TCOF1: variants seen among roughly 807,000 people sequenced by gnomAD.
TCOF1 encodes treacle protein.
TCOF1 carries 33 observed loss-of-function variants against 149.0 expected under a neutral mutation model. The ratio of observed to expected loss-of-function variants is 0.22; its 90% CI spans 0.17 to 0.30. The LOEUF (loss-of-function observed/expected upper bound fraction) is 0.30. Ranked by LOEUF, TCOF1 falls within the 10% of genes least tolerant of loss-of-function variation. TCOF1 has a pLI of 1.00. For missense variants in TCOF1, 1,728 were observed against 1,840.7 expected (o/e 0.94, Z 1.12); for synonymous variants, 789 against 738.8 (o/e 1.07, Z -1.10).
At chr5:150,385,304 T>A (rs564332553) in intron 17 of TCOF1, among the ~76,000 whole-genome samples, 1 of 152,318 alleles carries the variant, frequency 6.6e-6, no homozygotes, top group African/African-American at 2.4e-5. Flanking sequence ...AGGCCTAGCA[T>A]AATTGGTTCT....
Position 150,399,123 on chromosome 5 carries a change from T to A in TCOF1, c.*22+53T>A, listed in dbSNP as rs374854933. 54 of 1,609,100 alleles carry A rather than the reference T, an allele frequency of 3.4e-5. No individual in the cohort carries two copies. In the South Asian group the frequency reaches 3.4e-4, roughly 10 times the overall value. On this transcript the variant is annotated intron_variant, in intron 26 of 26. Coordinates refer to ENST00000643257, the MANE Select transcript of TCOF1 (RefSeq NM_001371623.1). ...TCAGGGTGGGAGGACAGCTCTGGTG[T>A]CCCCTGTGGTCCCAGAGAGCCAGGC...
chr5:150,373,216 G>T (rs1444699135), intron 7 of TCOF1, among the ~76,000 whole-genome samples: 1 of 151,686 alleles, frequency 6.6e-6, no homozygotes, highest in Non-Finnish European at 1.5e-5. Flanking sequence ...CCCAGCTTGT[G>T]TGTGTGTGTG....
chr5:150,375,173 G>A lies in TCOF1; in HGVS notation c.1488+10G>A. The A allele has an allele frequency of 6.2e-7, 1 of 1,613,098 alleles. No homozygotes were observed. Among genetic ancestry groups the A allele is most frequent in the Non-Finnish European group, 8.5e-7 (1 of 1,179,594 alleles). On this transcript the variant is annotated intron_variant, in intron 10 of 26. Coordinates refer to ENST00000643257, the MANE Select transcript of TCOF1 (RefSeq NM_001371623.1). ...CATGAATGCAGCTCAGGTGAGGCTG[G>A]AAGCCGCCCTGCATGGCCTGTGCCC...
Position 150,376,541 on chromosome 5 carries a change from T to A in TCOF1, c.2261T>A (p.Val754Glu). The change falls in exon 14 of 27, where the codon GTG becomes GAG. Residue 754 changes from valine (V) to glutamate (E), a missense_variant. Coordinates refer to ENST00000643257, the MANE Select transcript of TCOF1 (RefSeq NM_001371623.1). ...AAGACGGGGCCTACAGTCACCCAGG[T>A]GAAAGCTGAAAAGCAGGAAGACTCT... ...PGKTGPTVTQVKAEKQEDSES... is the reference protein window; with the variant it reads ...PGKTGPTVTQEKAEKQEDSES... The A allele has an allele frequency of 6.2e-7, 1 of 1,607,606 alleles. No individual in the cohort carries two copies. Among genetic ancestry groups the A allele is most frequent in the East Asian group, 2.2e-5 (1 of 44,608 alleles).
intron 1 of TCOF1, 22 bp from the exon 2 acceptor site, chr5:150,361,134 C>T: frequency 6.2e-7 from 1 of 1,614,114 alleles, no homozygotes; most frequent in Non-Finnish European, 8.5e-7. Flanking sequence ...TTAATTGTGG[C>T]TTTCTCTTTA....
chr5:150,391,905 G>A (rs893351847), intron 20 of TCOF1, 52 bp from the exon 21 acceptor site: 143 of 1,579,396 alleles, frequency 9.1e-5, no homozygotes, highest in Admixed American at 5.2e-5. Context: ...GAAGGACCAG[G>A]TCTTACTTGC....
At position 150,400,230 on chromosome 5, in the gene TCOF1, G is replaced by A. The variant is rs1299873156; in HGVS notation, c.*443G>A. The A allele has an allele frequency of 2.0e-5, 3 of 151,146 alleles. No homozygotes were observed. Among genetic ancestry groups the A allele is most frequent in the Non-Finnish European group, 4.4e-5 (3 of 67,662 alleles). The allele number at this position is 151,146 out of a possible 1,614,324, so 9.4% of individuals were successfully genotyped here. A position where few individuals can be genotyped will look rare whatever the true frequency, so the allele number is the denominator to read the frequency against. ...TTGTCTTCCTCTCGTCAGTTCTTTT[G>A]GTTGTGTTTTTTGTTTTTTTTTTAA... is the stretch of plus-strand genomic sequence containing the variant. On this transcript the variant is annotated 3_prime_UTR_variant, in exon 27 of 27. Coordinates refer to ENST00000643257, the MANE Select transcript of TCOF1 (RefSeq NM_001371623.1).
At chr5:150,387,075 T>C (rs1297448393) in intron 17 of TCOF1, among the ~76,000 whole-genome samples, 4 of 152,348 alleles carry the variant, frequency 2.6e-5, no homozygotes, top group East Asian at 3.9e-4. Context: ...TGGATTACTT[T>C]GCAGCCAGTC....
intron 7 of TCOF1, 26 bp from the exon 8 acceptor site, chr5:150,374,147 AG>A: frequency 6.2e-7 from 1 of 1,600,854 alleles, no homozygotes. Flanking sequence ...CAAGCAGGAG[AG>A]CAAGCTGCCC....
rs139608614 is a variant in TCOF1 at position 150,362,334 on chromosome 5, G to A, written c.164+1123G>A. On this transcript the variant is annotated intron_variant, in intron 2 of 26. Coordinates refer to ENST00000643257, the MANE Select transcript of TCOF1 (RefSeq NM_001371623.1). Reference sequence around the variant, plus strand: ...AGTAATTGTGTTCTCTTCATGCACTGGCCTGACCACAGCTGACTAAGGGAG... The same window carrying A: ...AGTAATTGTGTTCTCTTCATGCACTAGCCTGACCACAGCTGACTAAGGGAG... 4.5e-3 allele frequency among the ~76,000 whole-genome samples: 686 copies of A among 152,296 alleles called. 1 individual carries two copies. The highest frequency in any genetic ancestry group is 7.7e-3 in the Non-Finnish European group (521 of 68,024).
intron 1 of TCOF1, among the ~76,000 whole-genome samples, chr5:150,360,597 C>T (rs1000174606): frequency 6.6e-6 from 1 of 152,174 alleles, no homozygotes; most frequent in African/African-American, 2.4e-5. Flanking sequence ...TAGCTTGGAA[C>T]ATTCCACCTC....
At chr5:150,365,487 C>G (rs190593624) in intron 3 of TCOF1, among the ~76,000 whole-genome samples, 1 of 152,114 alleles carries the variant, frequency 6.6e-6, no homozygotes, top group African/African-American at 2.4e-5. Context: ...TTGTCCTACC[C>G]TGTTCCCTAT....
At chr5:150,384,349 G>T (rs1765841400) in intron 17 of TCOF1, 1 of 985,852 alleles carries the variant, frequency 1.0e-6, no homozygotes, top group Non-Finnish European at 1.2e-6. Flanking sequence ...AAGGAACTGG[G>T]AGTGAGGCTC....
rs763690651 is a variant in TCOF1 at position 150,379,742 on chromosome 5, G to A, written c.2859+10G>A. 40 of 1,613,054 alleles carry A rather than the reference G, an allele frequency of 2.5e-5. No homozygotes were observed. Among genetic ancestry groups the A allele is most frequent in the Non-Finnish European group, 3.3e-5 (39 of 1,179,606 alleles). ...TGTGACCTCTGCCCAGGTAAGACTTGCCAGGCCTCTGAGCCACCAACACTC... is the reference window on the plus strand; with the variant it reads ...TGTGACCTCTGCCCAGGTAAGACTTACCAGGCCTCTGAGCCACCAACACTC... On this transcript the variant is annotated intron_variant, in intron 17 of 26. Coordinates refer to ENST00000643257, the MANE Select transcript of TCOF1 (RefSeq NM_001371623.1).
chr5:150,395,122 G>A (rs1430978166), intron 23 of TCOF1, among the ~76,000 whole-genome samples: 1 of 152,156 alleles, frequency 6.6e-6, no homozygotes, highest in Non-Finnish European at 1.5e-5. Context: ...ACCTCCCCCA[G>A]CCCACCGCAG....
At chr5:150,386,057 G>A (rs889998484) in intron 17 of TCOF1, among the ~76,000 whole-genome samples, 2 of 151,560 alleles carry the variant, frequency 1.3e-5, no homozygotes, top group African/African-American at 2.4e-5. Flanking sequence ...TGAGAGAGGC[G>A]TAATGAGAAG....
In TCOF1 at chr5:150,376,273, C is replaced by T; in HGVS notation, c.2085C>T (p.Ser695=). The T allele has an allele frequency of 6.2e-7, 1 of 1,614,184 alleles. No homozygotes were observed. Among genetic ancestry groups the T allele is most frequent in the Non-Finnish European group, 8.5e-7 (1 of 1,180,032 alleles). Residue 695 remains serine (S), a synonymous_variant, in exon 13 of 27, where the codon AGC becomes AGT. Coordinates refer to ENST00000643257, the MANE Select transcript of TCOF1 (RefSeq NM_001371623.1). The stretch of plus-strand genomic sequence containing the variant: ...AGAGACCAGCAGAGGATTCTTCAAG[C>T]AGTGAGGAATCAGATAGTGAGGAAG... ...GTQRPAEDSS[S]SEESDSEEEK...
At position 150,394,341 on chromosome 5, in the gene TCOF1, C is replaced by G. The variant is rs184654044; in HGVS notation, c.3784+789C>G. The G allele has an allele frequency of 2.0e-5, 3 of 153,194 alleles. No homozygotes were observed. The East Asian group carries it at 5.8e-4, about 29-fold the overall frequency. 9.5% of individuals were successfully genotyped at this position (153,194 alleles called of 1,614,324 possible). On this transcript the variant is annotated intron_variant, in intron 23 of 26. Coordinates refer to ENST00000643257, the MANE Select transcript of TCOF1 (RefSeq NM_001371623.1). ...GTAGACTGGCCCCAGGCTGTTCTGA[C>G]TCATTGTAAAGCCTTGGAAATCCCC...
intron 23 of TCOF1, chr5:150,394,037 G>C (rs537442143): frequency 1.1e-3 from 233 of 203,064 alleles, no homozygotes; most frequent in Non-Finnish European, 1.8e-3. Context: ...TGGGCCCCAC[G>C]CCCAGGTGTC....
Sources: gnomAD v4.1 joint callset for allele counts (sites outside exome capture counted in the v4.1 genomes callset) on GRCh38, gnomAD v4.1.1 for gene constraint, MANE v1.5 for transcripts, NCBI Gene and HGNC (gene_info 2026-07-23, HGNC 2026-07-21) for gene names.